The following FAM20C variants were observed in gnomAD, a reference collection of about 807,000 sequenced individuals.
FAM20C encodes extracellular serine/threonine protein kinase FAM20C.
Under a neutral mutation model 51.5 loss-of-function variants are expected in FAM20C, and 40 were observed. The ratio of observed to expected loss-of-function variants is 0.78; its 90% CI spans 0.60 to 1.01. FAM20C has a LOEUF of 1.01. Among genes scored for constraint, FAM20C ranks in the 50% least tolerant of loss-of-function variants. The pLI is 0.00. For missense variants in FAM20C, 861 were observed against 844.7 expected (o/e 1.02, Z -0.24); for synonymous variants, 406 against 380.6 (o/e 1.07, Z -0.78).
At chr7:234,294 T>A (rs1422592295) in intron 3 of FAM20C, among the ~76,000 whole-genome samples, 1 of 152,240 alleles carries the variant, frequency 6.6e-6, no homozygotes, top group Non-Finnish European at 1.5e-5. Context: ...GCTGGGCTTT[T>A]ACAAGGGCGA....
chr7:198,317 A>G (rs1351467037), intron 2 of FAM20C, among the ~76,000 whole-genome samples: 2 of 152,208 alleles, frequency 1.3e-5, no homozygotes, highest in African/African-American at 2.4e-5. Context: ...AAGTGGGCAA[A>G]TGGATTAACG....
intron 6 of FAM20C, chr7:256,284 C>T (rs1407183568): frequency 1.4e-5 from 8 of 592,006 alleles, no homozygotes; most frequent in South Asian, 1.3e-4. Flanking sequence ...GGCCTCTCAG[C>T]GTTTGAGCTC....
chr7:257,868 GGGGCTGGGTGGA>G (rs1788664555), intron 8 of FAM20C, among the ~76,000 whole-genome samples: 1 of 26,486 alleles, frequency 3.8e-5, no homozygotes, highest in African/African-American at 1.9e-4. Flanking sequence ...TGCTGGAGAT[GGGGCTGGGTGGA>G]CCCACTGCCC....
At chr7:256,305 C>G (rs1788587765) in intron 6 of FAM20C, 2 of 586,042 alleles carry the variant, frequency 3.4e-6, no homozygotes. Context: ...TGCTCTCGCC[C>G]CGTCCCTCTC....
In FAM20C at chr7:193,639, G is replaced by T. The variant is rs1029026754; in HGVS notation, c.440G>T (p.Arg147Leu). ...CTGCTGCGAGACCCCGGCCCGCGTC[G>T]GTCCGAGTCGCCCCCCGGCCCCGGC... ...RPLLRDPGPR[R>L]SESPPGPGGD... Residue 147 changes from arginine (R) to leucine (L), a missense_variant, in exon 1 of 10, where the codon CGG (arginine) becomes CTG (leucine). Physicochemically the swap from Arg to Leu is moderately radical, Grantham distance 102. Around this residue, in one of 3 missense-constraint regions of FAM20C, gnomAD observed 561 missense variants for 499.8 expected, o/e 1.12. Coordinates refer to ENST00000313766, the MANE Select transcript of FAM20C (RefSeq NM_020223.4). 1.3e-6 allele frequency: 2 copies of T among 1,538,116 alleles called. No individual in the cohort carries two copies. Among genetic ancestry groups the T allele is most frequent in the Non-Finnish European group, 8.8e-7 (1 of 1,142,436 alleles).
intron 3 of FAM20C, among the ~76,000 whole-genome samples, chr7:219,184 G>A (rs1005935700): frequency 3.9e-5 from 6 of 152,172 alleles, no homozygotes; most frequent in Non-Finnish European, 8.8e-5. Flanking sequence ...CACCTGGGGC[G>A]AGGTTTGAGG....
intron 9 of FAM20C, 55 bp downstream of exon 9, chr7:258,760 A>G (rs1001828350): frequency 2.7e-5 from 40 of 1,477,402 alleles, no homozygotes; most frequent in Middle Eastern, 1.9e-4. Context: ...ACTGCGCAGG[A>G]GACAGAGGAG....
chr7:258,171 C>G (rs532958316), intron 8 of FAM20C, among the ~76,000 whole-genome samples: 2 of 121,660 alleles, frequency 1.6e-5, no homozygotes, highest in Non-Finnish European at 3.6e-5. Context: ...CAGGGTGGAC[C>G]CACTGCCTGA....
intron 3 of FAM20C, chr7:228,308 A>T (rs965386309): frequency 2.7e-6 from 1 of 373,244 alleles, no homozygotes; most frequent in Non-Finnish European, 5.4e-6. Context: ...GGTTCCGAAG[A>T]AGGCAGGTTC....
At chr7:258,331 TGGAGATGGGCA>T (rs1788718853) in intron 8 of FAM20C, among the ~76,000 whole-genome samples, 9 of 104,636 alleles carry the variant, frequency 8.6e-5, no homozygotes, top group East Asian at 5.3e-4. Flanking sequence ...CCCGGGGTGC[TGGAGATGGGCA>T]GGGTGGACCC....
Position 193,240 on chromosome 7 carries a change from T to C in FAM20C, c.41T>C (p.Leu14Pro). ...MLVRRFRVLI[L>P]MVFLVACALH... ...GTGCGCCGGTTCCGCGTGCTCATCC[T>C]GATGGTGTTCCTGGTGGCCTGCGCG... Residue 14 changes from leucine to proline, a missense_variant, in exon 1 of 10, where the codon CTG becomes CCG. This residue lies in a region of FAM20C where 561 missense variants were observed against 499.8 expected (regional missense o/e 1.12). Coordinates refer to ENST00000313766, the MANE Select transcript of FAM20C (RefSeq NM_020223.4). 1 of 1,465,800 alleles carries C rather than the reference T, an allele frequency of 6.8e-7. No individual in the cohort carries two copies. 90.8% of individuals were successfully genotyped at this position (1,465,800 alleles called of 1,614,324 possible).
At chr7:196,946 C>A (rs527443204) in intron 2 of FAM20C, among the ~76,000 whole-genome samples, 1 of 152,138 alleles carries the variant, frequency 6.6e-6, no homozygotes, top group Non-Finnish European at 1.5e-5. Context: ...CCCTGCCCCC[C>A]TCCAGGCCCC....
At chr7:256,609 C>G (rs1788600512) in intron 6 of FAM20C, 45 bp from the exon 7 acceptor site, 2 of 1,483,610 alleles carry the variant, frequency 1.3e-6, no homozygotes, top group African/African-American at 2.8e-5. Context: ...GCCGGGCTCC[C>G]CAGAATCTGG....
intron 8 of FAM20C, among the ~76,000 whole-genome samples, chr7:257,869 GGGCT>G (rs1554256372): frequency 1.6e-3 from 43 of 27,038 alleles, no homozygotes; most frequent in Non-Finnish European, 2.2e-3. Flanking sequence ...GCTGGAGATG[GGGCT>G]GGGTGGACCC....
chr7:229,451 C>T (rs569077062), intron 3 of FAM20C: 7 of 159,158 alleles, frequency 4.4e-5, no homozygotes, highest in South Asian at 3.7e-4. Flanking sequence ...AGGTCCTGGC[C>T]GAGCCCAATG....
chr7:242,436 G>T (rs1409003275), intron 3 of FAM20C, among the ~76,000 whole-genome samples: 3 of 148,898 alleles, frequency 2.0e-5, no homozygotes, highest in African/African-American at 7.3e-5. Context: ...GGACAGTCCT[G>T]ACTGAGAAAG....
chr7:195,713 C>T lies in FAM20C; in HGVS notation c.765C>T (p.Ser255=). The change falls in exon 2 of 10, where the codon TCC becomes TCT. Residue 255 remains serine (S), a synonymous_variant. Coordinates refer to ENST00000313766, the MANE Select transcript of FAM20C (RefSeq NM_020223.4). Reference sequence around the variant, plus strand: ...AGGCCCTGCTGCACGACCTCAGCTCCCAGAGGATCACCAGCGTGGGTAGGT... The same window carrying T: ...AGGCCCTGCTGCACGACCTCAGCTCTCAGAGGATCACCAGCGTGGGTAGGT... ...AIEALLHDLS[S]QRITSVAMKS... is the part of the protein sequence containing the mutation. The T allele has an allele frequency of 6.2e-7, 1 of 1,607,506 alleles. No individual in the cohort carries two copies. The highest frequency in any genetic ancestry group is 8.5e-7 in the Non-Finnish European group (1 of 1,176,706).
intron 3 of FAM20C, chr7:228,791 C>T (rs1357616754): frequency 2.2e-6 from 1 of 456,218 alleles, no homozygotes; most frequent in Admixed American, 2.3e-5. Context: ...ACGGCTCCTG[C>T]TGACGGCATG....
intron 3 of FAM20C, chr7:246,172 C>T (rs1016939009): frequency 2.1e-5 from 10 of 475,530 alleles, no homozygotes; most frequent in Admixed American, 1.3e-4. Flanking sequence ...TCTGAGGGCC[C>T]GTCGGCAGCT....
Sources: gnomAD v4.1 joint callset for allele counts (sites outside exome capture counted in the v4.1 genomes callset) on GRCh38, gnomAD v4.1.1 for gene constraint, gnomAD v4.1.1 regional missense constraint, MANE v1.5 for transcripts, NCBI Gene and HGNC (gene_info 2026-07-23, HGNC 2026-07-21) for gene names.